Variants in GRIK2 observed in about 807,000 individuals in gnomAD.
The protein encoded by GRIK2 is glutamate receptor ionotropic, kainate 2.
Under a neutral mutation model 100.3 loss-of-function variants are expected in GRIK2, and 32 were observed. That is an observed-to-expected ratio of 0.32 (90% CI 0.24 to 0.43). The LOEUF (loss-of-function observed/expected upper bound fraction) is 0.43, where lower values mean the gene tolerates loss of function less well. GRIK2 is among the 20% of genes least tolerant of loss of function. The probability of loss-of-function intolerance (pLI) is 1.00; values close to 1 mark genes in which losing one functional copy is unlikely to be tolerated. For synonymous variants in GRIK2, 417 were observed against 389.4 expected (o/e 1.07, Z -0.83); for missense variants, 843 against 1,114.9 (o/e 0.76, Z 3.47).
intron 2 of GRIK2, among the ~76,000 whole-genome samples, chr6:101,592,075 C>T (rs1414182006): frequency 6.6e-6 from 1 of 151,938 alleles, no homozygotes; most frequent in African/African-American, 2.4e-5. Context: ...TTTCCTACTC[C>T]CTCTTTGCCT....
At chr6:102,003,468 ATAC>A (rs1170161793) in intron 14 of GRIK2, among the ~76,000 whole-genome samples, 6 of 151,798 alleles carry the variant, frequency 4.0e-5, no homozygotes, top group Non-Finnish European at 8.9e-5. Flanking sequence ...TGTAATAAAC[ATAC>A]TACAATCATT....
intron 2 of GRIK2, among the ~76,000 whole-genome samples, chr6:101,503,291 A>G (rs1245555434): frequency 6.6e-6 from 1 of 152,184 alleles, no homozygotes; most frequent in Non-Finnish European, 1.5e-5. Flanking sequence ...AAATAAATTG[A>G]TGAGCAGGAG....
intron 9 of GRIK2, among the ~76,000 whole-genome samples, chr6:101,806,264 G>C (rs1200748854): frequency 6.6e-6 from 1 of 152,084 alleles, no homozygotes; most frequent in African/African-American, 2.4e-5. Flanking sequence ...CAGAATAAGT[G>C]ATTTTCCAAG....
intron 2 of GRIK2, among the ~76,000 whole-genome samples, chr6:101,468,221 T>C (rs1368949570): frequency 2.0e-5 from 3 of 152,168 alleles, no homozygotes; most frequent in Admixed American, 2.0e-4. Context: ...AGGTCCCAGG[T>C]AGTGGTAGCC....
intron 7 of GRIK2, among the ~76,000 whole-genome samples, chr6:101,742,734 G>C (rs752857828): frequency 6.6e-6 from 1 of 152,172 alleles, no homozygotes; most frequent in Non-Finnish European, 1.5e-5. Context: ...TGGTTGTAGA[G>C]ACCAAAGTTT....
At chr6:101,527,809 A>G (rs531958176) in intron 2 of GRIK2, among the ~76,000 whole-genome samples, 1 of 152,174 alleles carries the variant, frequency 6.6e-6, no homozygotes, top group African/African-American at 2.4e-5. Context: ...TTCTTTTCTT[A>G]TCTATCCACT....
intron 7 of GRIK2, among the ~76,000 whole-genome samples, chr6:101,723,145 T>G (rs947166497): frequency 1.1e-4 from 16 of 152,194 alleles, no homozygotes; most frequent in African/African-American, 3.6e-4. Context: ...GTCAGTATTG[T>G]CGTCTTCAAA....
At chr6:101,471,461 T>C (rs74913125) in intron 2 of GRIK2, among the ~76,000 whole-genome samples, 3,206 of 152,104 alleles carry the variant, frequency 0.021, 55 homozygotes, top group Non-Finnish European at 0.034. Flanking sequence ...CCTTTACATG[T>C]TTTTGAGTTA....
chr6:101,427,886 A>ATGTAAAAT (rs1769131121), intron 2 of GRIK2, among the ~76,000 whole-genome samples: 1 of 152,190 alleles, frequency 6.6e-6, no homozygotes, highest in Non-Finnish European at 1.5e-5. Flanking sequence ...GGTCTCTGTG[A>ATGTAAAAT]TGTAAAATTT....
At chr6:102,029,973 T>C (rs375128440) in intron 14 of GRIK2, among the ~76,000 whole-genome samples, 1 of 151,352 alleles carries the variant, frequency 6.6e-6, no homozygotes, top group African/African-American at 2.4e-5. Flanking sequence ...AACATATCCA[T>C]TATCCTGTAT....
At chr6:101,894,832 A>T (rs1710633170) in intron 12 of GRIK2, among the ~76,000 whole-genome samples, 1 of 151,654 alleles carries the variant, frequency 6.6e-6, no homozygotes, top group Non-Finnish European at 1.5e-5. Context: ...GCTGTTCTGA[A>T]ATTCATTATT....
intron 14 of GRIK2, among the ~76,000 whole-genome samples, chr6:101,960,576 CA>C (rs1246110163): frequency 6.6e-6 from 1 of 152,042 alleles, no homozygotes; most frequent in Non-Finnish European, 1.5e-5. Context: ...TGGGTGCTTT[CA>C]GGGGCCAAGC....
intron 16 of GRIK2, among the ~76,000 whole-genome samples, chr6:102,065,082 G>T (rs1771949148): frequency 1.3e-5 from 2 of 151,124 alleles, no homozygotes; most frequent in African/African-American, 4.8e-5. Context: ...AATAAAATTT[G>T]TATTTTGTCA....
At chr6:101,483,850 G>A (rs1183983460) in intron 2 of GRIK2, among the ~76,000 whole-genome samples, 1 of 152,230 alleles carries the variant, frequency 6.6e-6, no homozygotes, top group African/African-American at 2.4e-5. Flanking sequence ...GATTATGGGC[G>A]TGAGCCACCA....
At chr6:101,909,219 A>G (rs1253389609) in intron 12 of GRIK2, among the ~76,000 whole-genome samples, 8 of 150,976 alleles carry the variant, frequency 5.3e-5, no homozygotes, top group African/African-American at 1.9e-4. Context: ...ATTTTACTGA[A>G]GTACACCAAA....
chr6:101,877,815 GT>G (rs1408396897), intron 11 of GRIK2, among the ~76,000 whole-genome samples: 1 of 151,566 alleles, frequency 6.6e-6, no homozygotes, highest in Non-Finnish European at 1.5e-5. Flanking sequence ...TTCATTCTAT[GT>G]GGAGAGATAA....
chr6:102,022,580 A>G (rs1769485470), intron 14 of GRIK2, among the ~76,000 whole-genome samples: 1 of 151,738 alleles, frequency 6.6e-6, no homozygotes, highest in Non-Finnish European at 1.5e-5. Flanking sequence ...ATACATTTTC[A>G]TGATTAATTT....
chr6:101,514,520 C>G (rs1774484042), intron 2 of GRIK2, among the ~76,000 whole-genome samples: 1 of 152,046 alleles, frequency 6.6e-6, no homozygotes, highest in Non-Finnish European at 1.5e-5. Context: ...TATAATTTCT[C>G]TAATATAGTT....
chr6:101,785,710 G>A (rs1562383581), intron 7 of GRIK2, among the ~76,000 whole-genome samples: 3 of 152,066 alleles, frequency 2.0e-5, no homozygotes. Context: ...TGCTGTTTTA[G>A]TTATTATAGC....
Sources: allele counts gnomAD v4.1 joint callset (sites outside exome capture counted in the v4.1 genomes callset), GRCh38; gene constraint gnomAD v4.1.1; transcripts MANE v1.5; gene names NCBI Gene and HGNC (gene_info 2026-07-23, HGNC 2026-07-21).